RPS6KA2: variants seen among roughly 807,000 people sequenced by gnomAD.
RPS6KA2 encodes the protein ribosomal protein S6 kinase alpha-2.
In RPS6KA2, 42 loss-of-function variants were observed where a neutral mutation model predicts 91.8. The observed-to-expected ratio is 0.46, with a 90% confidence interval of 0.36 to 0.59. The LOEUF is 0.59. RPS6KA2 is among the 20% of genes least tolerant of loss of function. RPS6KA2 has a pLI of 0.00. For missense variants in RPS6KA2, 798 were observed against 978.5 expected, an observed-to-expected ratio of 0.82 and a Z score of 2.46; for synonymous variants, 414 against 393.6, an observed-to-expected ratio of 1.05 and a Z score of -0.61.
intron 2 of RPS6KA2, among the ~76,000 whole-genome samples, chr6:166,855,441 AGAAGAAGAG>A (rs1444281362): frequency 1.0e-5 from 1 of 98,982 alleles, no homozygotes; most frequent in Non-Finnish European, 2.1e-5. Context: ...AAGAAGAGGA[AGAAGAAGAG>A]GAAGAAGAAG....
At position 166,433,231 on chromosome 6, in the gene RPS6KA2, G is replaced by C. The variant is rs553600180; in HGVS notation, c.1333-741C>G. On this transcript the variant is annotated intron_variant, in intron 14 of 20. Transcript: ENST00000265678. The surrounding 1 kb of genome is among the most constrained non-coding windows in gnomAD (Gnocchi z 4.4). ...GTGAGGCGCATGGCTCTCACCAAGAGATGCTGGGGATGGTGCGCAGGCCAG... is the reference window on the plus strand; with the variant it reads ...GTGAGGCGCATGGCTCTCACCAAGACATGCTGGGGATGGTGCGCAGGCCAG... Among the ~76,000 whole-genome samples, 4 of 152,296 alleles carry C rather than the reference G, an allele frequency of 2.6e-5. No individual in the cohort carries two copies. The highest frequency in any genetic ancestry group is 2.6e-4 in the Admixed American group (4 of 15,298).
chr6:166,840,735 G>A (rs1780450414), intron 2 of RPS6KA2, among the ~76,000 whole-genome samples: 1 of 152,198 alleles, frequency 6.6e-6, no homozygotes, highest in Non-Finnish European at 1.5e-5. Flanking sequence ...GCTTAGGCGG[G>A]CAGATCACCT....
At chr6:166,704,583 C>T (rs1259634841) in intron 2 of RPS6KA2, among the ~76,000 whole-genome samples, 1 of 152,254 alleles carries the variant, frequency 6.6e-6, no homozygotes, top group African/African-American at 2.4e-5. Flanking sequence ...ACCAGGAACA[C>T]ACTTGGATGC....
intron 3 of RPS6KA2, among the ~76,000 whole-genome samples, chr6:166,518,399 G>A (rs545344296): frequency 3.3e-5 from 5 of 151,406 alleles, no homozygotes; most frequent in South Asian, 2.1e-4. Flanking sequence ...TTTACAAATT[G>A]GCCATTCAAA....
intron 2 of RPS6KA2, among the ~76,000 whole-genome samples, chr6:166,680,399 G>A (rs1045072802): frequency 3.3e-5 from 5 of 152,188 alleles, no homozygotes; most frequent in Non-Finnish European, 5.9e-5. Flanking sequence ...GGCCAGATAA[G>A]GGAATAAAAG....
At chr6:166,860,490 A>G (rs975212981) in intron 1 of RPS6KA2, among the ~76,000 whole-genome samples, 1 of 152,168 alleles carries the variant, frequency 6.6e-6, no homozygotes, top group Admixed American at 6.5e-5. Flanking sequence ...TTGCTGATCC[A>G]TTTATGAGCG....
chr6:166,633,233 A>C (rs188618562), intron 2 of RPS6KA2, among the ~76,000 whole-genome samples: 9 of 152,298 alleles, frequency 5.9e-5, no homozygotes, highest in East Asian at 5.8e-4. Flanking sequence ...AACACCAAAA[A>C]CCAAAAAACA....
intron 2 of RPS6KA2, among the ~76,000 whole-genome samples, chr6:166,807,967 C>G (rs930472433): frequency 3.9e-5 from 6 of 152,128 alleles, no homozygotes; most frequent in African/African-American, 1.4e-4. Flanking sequence ...GAGCTCCCAC[C>G]GCTGCAGGGG....
In RPS6KA2 at chr6:166,469,883, C is replaced by T. The variant is rs1177515694; in HGVS notation, c.930G>A (p.Glu310=). The T allele has an allele frequency of 1.2e-5, 20 of 1,614,094 alleles. No homozygotes were observed. Among genetic ancestry groups the T allele is most frequent in the Non-Finnish European group, 1.6e-5 (19 of 1,180,018 alleles). Residue 310 remains glutamate (E), a synonymous_variant, in exon 11 of 21, where the codon GAG becomes GAA. Transcript: ENST00000265678. The part of the protein sequence containing the change: ...NRLGAGIDGV[E]EIKRHPFFVT... The stretch of plus-strand genomic sequence containing the variant: ...CAAAGAAGGGATGGCGCTTAATTTC[C>T]TCCACTCCGTCAATGCCAGCACCTG...
intron 2 of RPS6KA2, among the ~76,000 whole-genome samples, chr6:166,760,480 G>A (rs1202803006): frequency 1.3e-5 from 2 of 152,184 alleles, no homozygotes; most frequent in African/African-American, 2.4e-5. Context: ...CAGAGTATGT[G>A]GGCACCGCCC....
chr6:166,595,106 T>C (rs1322447669), intron 1 of RPS6KA2, among the ~76,000 whole-genome samples: 1 of 151,994 alleles, frequency 6.6e-6, no homozygotes, highest in East Asian at 1.9e-4. Flanking sequence ...GGCTGGAGTG[T>C]GATGGCAGGA....
At chr6:166,426,020 C>T (rs1778904435) in intron 16 of RPS6KA2, among the ~76,000 whole-genome samples, 1 of 151,890 alleles carries the variant, frequency 6.6e-6, no homozygotes, top group East Asian at 1.9e-4. Flanking sequence ...CACCACACCA[C>T]ACCTATTCCA....
At chr6:166,464,240 A>T (rs1239070410) in intron 11 of RPS6KA2, among the ~76,000 whole-genome samples, 1 of 152,108 alleles carries the variant, frequency 6.6e-6, no homozygotes, top group Non-Finnish European at 1.5e-5. Flanking sequence ...ACAACAGCCA[A>T]GTTCAGGGCA....
chr6:166,680,481 C>G (rs947447738), intron 2 of RPS6KA2, among the ~76,000 whole-genome samples: 2 of 151,996 alleles, frequency 1.3e-5, no homozygotes, highest in Non-Finnish European at 2.9e-5. Context: ...TTTTTTTGCT[C>G]TTTGTAGTAA....
intron 3 of RPS6KA2, among the ~76,000 whole-genome samples, chr6:166,512,445 C>A (rs939910440): frequency 1.3e-5 from 2 of 152,172 alleles, no homozygotes; most frequent in African/African-American, 4.8e-5. Context: ...TTAAAATGAT[C>A]AATATTATGT....
intron 1 of RPS6KA2, among the ~76,000 whole-genome samples, chr6:166,578,705 G>A (rs1784913748): frequency 6.6e-6 from 1 of 152,206 alleles, no homozygotes; most frequent in South Asian, 2.1e-4. Flanking sequence ...TGGACCAGCA[G>A]GGCTGCTCAC....
intron 16 of RPS6KA2, among the ~76,000 whole-genome samples, chr6:166,424,305 T>C (rs1778832965): frequency 6.7e-6 from 1 of 148,272 alleles, no homozygotes; most frequent in Non-Finnish European, 1.5e-5. Flanking sequence ...TGAGTTTGAC[T>C]GTACTGGGAA....
intron 1 of RPS6KA2, among the ~76,000 whole-genome samples, chr6:166,574,030 C>T (rs1484781929): frequency 6.6e-6 from 1 of 152,206 alleles, no homozygotes; most frequent in Non-Finnish European, 1.5e-5. Flanking sequence ...ACTCAAGACA[C>T]ACTCAGGCCC....
chr6:166,751,430 A>G (rs1031130638), intron 2 of RPS6KA2, among the ~76,000 whole-genome samples: 1 of 152,266 alleles, frequency 6.6e-6, no homozygotes, highest in Non-Finnish European at 1.5e-5. Context: ...GCTCTGCAGC[A>G]GGAGGCAGCT....
Sources: allele counts gnomAD v4.1 joint callset (sites outside exome capture counted in the v4.1 genomes callset), GRCh38; gene constraint gnomAD v4.1.1; non-coding constraint Gnocchi (gnomAD v3.1); transcripts MANE v1.5; gene names NCBI Gene and HGNC (gene_info 2026-07-23, HGNC 2026-07-21).